UBE2E2: variants seen among roughly 807,000 people sequenced by gnomAD.
The protein encoded by UBE2E2 is ubiquitin conjugating enzyme E2 E2, also known as ubiquitin-conjugating enzyme E2 E2.
Under a neutral mutation model 24.7 loss-of-function variants are expected in UBE2E2, and 6 were observed. That is an observed-to-expected ratio of 0.24 (90% CI 0.13 to 0.48). The LOEUF is 0.48. UBE2E2 is among the 20% of genes least tolerant of loss of function. The probability of loss-of-function intolerance (pLI) is 0.99; values close to 1 mark genes in which losing one functional copy is unlikely to be tolerated. For synonymous variants in UBE2E2, 104 were observed against 83.6 expected (o/e 1.24, Z -1.33); for missense variants, 169 against 245.0 (o/e 0.69, Z 2.07).
rs200598867 is a variant in UBE2E2, at chr3:23,208,790, C to G, written c.91C>G (p.Pro31Ala). Residue 31 changes from proline (P) to alanine (A), a missense_variant, in exon 2 of 6, where the codon CCA becomes GCA. Physicochemically the swap from Pro to Ala is conservative, Grantham distance 27. Transcript: ENST00000396703. ...TCAACGTGAAAGTGTTCAGCAAGAA[C>G]CAGAAAGAGAACAAGTTCAGCCCAA... ...GDQRESVQQEPEREQVQPKKK... is the reference protein window; with the variant it reads ...GDQRESVQQEAEREQVQPKKK... The G allele has an allele frequency of 1.9e-6, 3 of 1,613,562 alleles. No homozygotes were observed. The South Asian group carries it at 3.3e-5, about 18-fold the overall frequency.
chr3:23,578,009 GAAA>G (rs58612058), intron 5 of UBE2E2, among the ~76,000 whole-genome samples: 2 of 103,262 alleles, frequency 1.9e-5, no homozygotes, highest in Non-Finnish European at 2.1e-5. Context: ...CTACCTCTCA[GAAA>G]AAAAAAAAAA....
At chr3:23,480,159 C>T (rs1695197) in intron 3 of UBE2E2, among the ~76,000 whole-genome samples, 26,908 of 152,184 alleles carry the variant, frequency 0.18, 2,468 homozygotes, top group East Asian at 0.23. Flanking sequence ...GCAGTGCCCC[C>T]GGCCTCCCTC....
At chr3:23,466,414 C>T (rs1698919830) in intron 3 of UBE2E2, among the ~76,000 whole-genome samples, 1 of 152,230 alleles carries the variant, frequency 6.6e-6, no homozygotes, top group African/African-American at 2.4e-5. Context: ...TTGTGGCATT[C>T]TGTAATGAAA....
At chr3:23,227,714 T>G (rs1696864630) in intron 3 of UBE2E2, among the ~76,000 whole-genome samples, 1 of 152,198 alleles carries the variant, frequency 6.6e-6, no homozygotes, top group South Asian at 2.1e-4. Flanking sequence ...ACTAGAACAG[T>G]TAACAAGAAT....
chr3:23,498,715 C>A (rs183697800), intron 3 of UBE2E2, among the ~76,000 whole-genome samples: 1 of 152,238 alleles, frequency 6.6e-6, no homozygotes, highest in East Asian at 1.9e-4. Flanking sequence ...CAGGTGTGGT[C>A]CAGTGATGCA....
At chr3:23,245,412 A>G (rs1380205856) in intron 3 of UBE2E2, among the ~76,000 whole-genome samples, 1 of 152,176 alleles carries the variant, frequency 6.6e-6, no homozygotes, top group Non-Finnish European at 1.5e-5. Context: ...GTTGAAGGTC[A>G]TACAAAGCCA....
chr3:23,512,048 G>C (rs1405682301), intron 4 of UBE2E2, among the ~76,000 whole-genome samples: 1 of 152,016 alleles, frequency 6.6e-6, no homozygotes, highest in Non-Finnish European at 1.5e-5. Context: ...AATAAGGCCA[G>C]GGTCAGGATT....
intron 3 of UBE2E2, among the ~76,000 whole-genome samples, chr3:23,241,213 C>T (rs1697250726): frequency 6.6e-6 from 1 of 152,086 alleles, no homozygotes; most frequent in Admixed American, 6.6e-5. Context: ...TTTGTCCTAC[C>T]TTCAGAATAC....
At chr3:23,403,770 G>A (rs965114872) in intron 3 of UBE2E2, among the ~76,000 whole-genome samples, 2 of 145,990 alleles carry the variant, frequency 1.4e-5, no homozygotes, top group African/African-American at 5.2e-5. Flanking sequence ...GTTGCAGTGA[G>A]CCGAGATTGC....
At chr3:23,379,594 A>G (rs1393158222) in intron 3 of UBE2E2, among the ~76,000 whole-genome samples, 2 of 151,330 alleles carry the variant, frequency 1.3e-5, no homozygotes, top group Non-Finnish European at 2.9e-5. Flanking sequence ...TTATGGCTGC[A>G]TAGTATTCCA....
intron 4 of UBE2E2, among the ~76,000 whole-genome samples, chr3:23,517,116 A>G (rs1044789307): frequency 3.9e-5 from 6 of 152,154 alleles, no homozygotes; most frequent in Non-Finnish European, 7.4e-5. Flanking sequence ...AAAAAAGCAT[A>G]GTTAGTCTTT....
chr3:23,561,055 A>G lies in UBE2E2; in HGVS notation c.508+28354A>G, dbSNP rs922960030. Among the ~76,000 whole-genome samples the G allele has an allele frequency of 1.2e-4, 18 of 152,322 alleles. No homozygotes were observed. The South Asian group carries it at 1.2e-3, about 11-fold the overall frequency. On this transcript the variant is annotated intron_variant, in intron 5 of 5. Coordinates refer to ENST00000396703, the MANE Select transcript of UBE2E2 (RefSeq NM_152653.4). ...CTGCTGGTAGTTTCTTTTGCTGTGC[A>G]GAAGCTCTTTAGTTTAATTAGATCC...
intron 3 of UBE2E2, among the ~76,000 whole-genome samples, chr3:23,460,963 A>C (rs1370376512): frequency 1.3e-5 from 2 of 152,230 alleles, no homozygotes; most frequent in Admixed American, 6.5e-5. Flanking sequence ...TTTCTGCAGA[A>C]AACCAGTAAG....
At chr3:23,232,127 G>A (rs1350912701) in intron 3 of UBE2E2, among the ~76,000 whole-genome samples, 1 of 152,186 alleles carries the variant, frequency 6.6e-6, no homozygotes, top group Non-Finnish European at 1.5e-5. Context: ...GAAGGGTAAG[G>A]TTAAACCCTC....
At chr3:23,418,250 G>A (rs1484028214) in intron 3 of UBE2E2, among the ~76,000 whole-genome samples, 6 of 152,296 alleles carry the variant, frequency 3.9e-5, no homozygotes, top group African/African-American at 1.4e-4. Context: ...CGTAGTATCA[G>A]GGCCAGAGTG....
intron 3 of UBE2E2, among the ~76,000 whole-genome samples, chr3:23,217,607 T>A (rs1256998818): frequency 1.3e-5 from 2 of 151,878 alleles, no homozygotes; most frequent in Non-Finnish European, 2.9e-5. Context: ...GTGGAAGAGG[T>A]GTTAGGGCCT....
At chr3:23,295,678 G>C (rs1342209491) in intron 3 of UBE2E2, among the ~76,000 whole-genome samples, 1 of 152,206 alleles carries the variant, frequency 6.6e-6, no homozygotes, top group Non-Finnish European at 1.5e-5. Flanking sequence ...GTTTGGAGCA[G>C]TATTCCGGTT....
At position 23,348,940 on chromosome 3, in the gene UBE2E2, T is replaced by A. The variant is rs147213586; in HGVS notation, c.227+131628T>A. Among the ~76,000 whole-genome samples the A allele has an allele frequency of 2.4e-3, 360 of 152,206 alleles. 3 individuals carry two copies. The highest frequency in any genetic ancestry group is 8.3e-3 in the African/African-American group (344 of 41,534). ...GCAGTTTTTATAGGGTTCTGCACAC[T>A]CCAGGGTAATGCAGAGAAAGCAACC... On this transcript the variant is annotated intron_variant, in intron 3 of 5. Coordinates refer to ENST00000396703, the MANE Select transcript of UBE2E2 (RefSeq NM_152653.4).
rs1698326268 is a variant in UBE2E2 at position 23,442,336 on chromosome 3, A to C, written c.228-57272A>C. On this transcript the variant is annotated intron_variant, in intron 3 of 5. Coordinates refer to ENST00000396703, the MANE Select transcript of UBE2E2 (RefSeq NM_152653.4). ...TGAATCCTGCTACTGATGGGTATATAGCATTAATCTCCCACCCAACCCCCC... is the reference window on the plus strand; with the variant it reads ...TGAATCCTGCTACTGATGGGTATATCGCATTAATCTCCCACCCAACCCCCC... 3.9e-5 allele frequency among the ~76,000 whole-genome samples: 6 copies of C among 152,042 alleles called. No individual in the cohort carries two copies. The South Asian group carries it at 1.2e-3, about 32-fold the overall frequency.
Sources: gnomAD v4.1 joint callset for allele counts (sites outside exome capture counted in the v4.1 genomes callset) on GRCh38, gnomAD v4.1.1 for gene constraint, MANE v1.5 for transcripts, NCBI Gene and HGNC (gene_info 2026-07-23, HGNC 2026-07-21) for gene names.